The following ABCD3 variants were observed in gnomAD, a reference collection of about 807,000 sequenced individuals.
ABCD3 encodes ATP-binding cassette sub-family D member 3.
ABCD3 carries 41 observed loss-of-function variants against 105.5 expected under a neutral mutation model. The ratio of observed to expected loss-of-function variants is 0.39; its 90% confidence interval spans 0.30 to 0.50. The LOEUF (loss-of-function observed/expected upper bound fraction) is 0.50. Ranked by LOEUF, ABCD3 falls within the 20% of genes least tolerant of loss-of-function variation. ABCD3 has a pLI of 0.84. For missense variants in ABCD3, 622 were observed against 806.3 expected (o/e 0.77, Z 2.77); for synonymous variants, 258 against 269.0 (o/e 0.96, Z 0.40).
At chr1:94,449,265 T>C (rs560271310) in intron 1 of ABCD3, among the ~76,000 whole-genome samples, 6 of 152,164 alleles carry the variant, frequency 3.9e-5, no homozygotes, top group Non-Finnish European at 7.3e-5. Context: ...ATCCCAACTG[T>C]CATGAGCAAT....
chr1:94,476,713 T>A (rs1648761182), intron 7 of ABCD3, among the ~76,000 whole-genome samples: 1 of 152,222 alleles, frequency 6.6e-6, no homozygotes, highest in Non-Finnish European at 1.5e-5. Context: ...GCTGCTCTCC[T>A]CATGCCCAGG....
intron 1 of ABCD3, among the ~76,000 whole-genome samples, chr1:94,445,000 T>C (rs761983061): frequency 6.6e-6 from 1 of 152,232 alleles, no homozygotes; most frequent in Non-Finnish European, 1.5e-5. Flanking sequence ...GCATGAGCAA[T>C]CTGTGCCTTA....
chr1:94,488,508 T>A (rs1257933534), intron 13 of ABCD3, among the ~76,000 whole-genome samples: 1 of 152,024 alleles, frequency 6.6e-6, no homozygotes, highest in Admixed American at 6.6e-5. Context: ...ATATTAAGAT[T>A]TCAGTATTTC....
At chr1:94,405,901 G>A in the ABCD3 span, among the ~76,000 whole-genome samples, 1 of 151,656 alleles carries the variant, frequency 6.6e-6, no homozygotes, top group Admixed American at 6.6e-5. Context: ...CTTTGCTTAT[G>A]GTTTTTGGCA....
chr1:94,414,757 T>C (rs1658968588), upstream of ABCD3, among the ~76,000 whole-genome samples: 1 of 152,224 alleles, frequency 6.6e-6, no homozygotes, highest in Non-Finnish European at 1.5e-5. Flanking sequence ...GGTCTCTGCA[T>C]CTTTGCTCCT....
chr1:94,429,411 A>T (rs1398702860), intron 1 of ABCD3, among the ~76,000 whole-genome samples: 1 of 152,142 alleles, frequency 6.6e-6, no homozygotes, highest in Non-Finnish European at 1.5e-5. Context: ...AATGGGGAAA[A>T]TGTCTCCAGG....
At position 94,418,579 on chromosome 1, in the gene ABCD3, G is replaced by T; in HGVS notation, c.101G>T (p.Gly34Val). 3 of 1,597,386 alleles carry T rather than the reference G, an allele frequency of 1.9e-6. No individual in the cohort carries two copies. Among genetic ancestry groups the T allele is most frequent in the Non-Finnish European group, 1.7e-6 (2 of 1,177,218 alleles). The change falls in exon 1 of 23, where the codon GGC (glycine) becomes GTC (valine). Residue 34 changes from glycine to valine, a missense_variant. Coordinates refer to ENST00000370214, the MANE Select transcript of ABCD3 (RefSeq NM_002858.4). Reference sequence around the variant, plus strand: ...CTCCACAAGCGGCGCCGCGCCCTCGGCCTGCACGGGTAAGAAGGCCCGTAG... The same window carrying T: ...CTCCACAAGCGGCGCCGCGCCCTCGTCCTGCACGGGTAAGAAGGCCCGTAG... ...CLLHKRRRAL[G>V]LHGKKSGKPP...
chr1:94,512,678 C>T (rs1198504550), intron 21 of ABCD3, among the ~76,000 whole-genome samples: 1 of 151,926 alleles, frequency 6.6e-6, no homozygotes, highest in African/African-American at 2.4e-5. Context: ...CTTTTAGTAG[C>T]TAAGTCTGAG....
chr1:94,437,838 C>T (rs1659962157), intron 1 of ABCD3, among the ~76,000 whole-genome samples: 2 of 152,130 alleles, frequency 1.3e-5, no homozygotes, highest in Non-Finnish European at 2.9e-5. Context: ...AGAATATCCA[C>T]ATTAATGGGA....
chr1:94,450,370 T>C (rs1660532007), intron 1 of ABCD3, among the ~76,000 whole-genome samples: 1 of 152,244 alleles, frequency 6.6e-6, no homozygotes, highest in South Asian at 2.1e-4. Context: ...ACAAAATCTC[T>C]GCAGTACTGT....
Position 94,418,410 on chromosome 1 carries a change from T to G in ABCD3, c.-69T>G, listed in dbSNP as rs1026956006. The G allele has an allele frequency of 2.3e-6, 3 of 1,317,306 alleles. No individual in the cohort carries two copies. The highest frequency in any genetic ancestry group is 1.5e-5 in the African/African-American group (1 of 67,650). The allele number at this position is 1,317,306 out of a possible 1,614,324, so 81.6% of individuals were successfully genotyped here. On this transcript the variant is annotated 5_prime_UTR_variant, in exon 1 of 23. Coordinates refer to ENST00000370214, the MANE Select transcript of ABCD3 (RefSeq NM_002858.4). ...TCCTCCCAGTCTCCCCCGCGCTGCG[T>G]GCAGTAAGGTAGCCGCCGCCGCCGC...
At chr1:94,409,049 T>C in the ABCD3 span, among the ~76,000 whole-genome samples, 1 of 152,076 alleles carries the variant, frequency 6.6e-6, no homozygotes, top group Non-Finnish European at 1.5e-5. Flanking sequence ...TGGGGTCCTT[T>C]TTACACTGAA....
intron 1 of ABCD3, among the ~76,000 whole-genome samples, chr1:94,435,342 C>T (rs1367789276): frequency 6.6e-6 from 1 of 151,994 alleles, no homozygotes; most frequent in East Asian, 1.9e-4. Context: ...GAGTTTGAGA[C>T]CAGTCTGGGC....
chr1:94,460,678 GTC>G (rs997101729), intron 2 of ABCD3, among the ~76,000 whole-genome samples: 1 of 152,050 alleles, frequency 6.6e-6, no homozygotes, highest in Admixed American at 6.6e-5. Context: ...AGTGATTAGT[GTC>G]TCTCAAGTCT....
intron 21 of ABCD3, among the ~76,000 whole-genome samples, chr1:94,510,364 A>G (rs968966935): frequency 6.6e-5 from 10 of 152,104 alleles, no homozygotes; most frequent in Non-Finnish European, 1.3e-4. Flanking sequence ...ATAGTTTGTT[A>G]TAATTTCTGT....
At chr1:94,391,089 A>T in the ABCD3 span, among the ~76,000 whole-genome samples, 2,661 of 152,298 alleles carry the variant, frequency 0.017, 78 homozygotes, top group African/African-American at 0.061. Context: ...ATATCCTTGC[A>T]GTAGTATTGC....
At chr1:94,461,065 A>G (rs1051892297) in intron 2 of ABCD3, among the ~76,000 whole-genome samples, 1 of 152,166 alleles carries the variant, frequency 6.6e-6, no homozygotes, top group African/African-American at 2.4e-5. Context: ...GTGATTGGCA[A>G]TAAAAAGGAC....
the ABCD3 span, among the ~76,000 whole-genome samples, chr1:94,396,311 A>G: frequency 1.3e-5 from 2 of 152,226 alleles, no homozygotes; most frequent in African/African-American, 4.8e-5. Flanking sequence ...ATACACCACT[A>G]TAAACAGAAG....
At chr1:94,475,504 A>T in intron 6 of ABCD3, 110 bp from the exon 7 acceptor site, 3 of 1,202,180 alleles carry the variant, frequency 2.5e-6, no homozygotes, top group Non-Finnish European at 3.6e-6. Context: ...CTGGCTCCAA[A>T]CTTTTTTGTT....
Sources: gnomAD v4.1 joint callset for allele counts (sites outside exome capture counted in the v4.1 genomes callset) on GRCh38, gnomAD v4.1.1 for gene constraint, MANE v1.5 for transcripts, NCBI Gene and HGNC (gene_info 2026-07-23, HGNC 2026-07-21) for gene names.